Variants in LARP1B observed in about 807,000 individuals in gnomAD.
The protein encoded by LARP1B is la-related protein 1B.
LARP1B carries 76 observed loss-of-function variants against 114.2 expected under a neutral mutation model. The observed-to-expected ratio is 0.67, with a 90% CI of 0.55 to 0.81. The LOEUF is 0.81. Among genes scored for constraint, LARP1B ranks in the 30% least tolerant of loss-of-function variants. The probability of loss-of-function intolerance (pLI) is 0.00; values close to 1 mark genes in which losing one functional copy is unlikely to be tolerated. For missense variants in LARP1B, 1,014 were observed against 1,075.8 expected (o/e 0.94, Z 0.80); for synonymous variants, 345 against 348.0 (o/e 0.99, Z 0.10).
At chr4:128,136,504 T>C (rs1370780052) in intron 11 of LARP1B, among the ~76,000 whole-genome samples, 1 of 152,172 alleles carries the variant, frequency 6.6e-6, no homozygotes, top group Admixed American at 6.6e-5. Flanking sequence ...ATATTAAAGC[T>C]TCAAATATAT....
chr4:128,158,421 G>A lies in LARP1B; in HGVS notation c.1525-3773G>A, dbSNP rs569592256. 4.1e-4 allele frequency among the ~76,000 whole-genome samples: 63 copies of A among 152,186 alleles called. 1 individual carries two copies. Among genetic ancestry groups the A allele is most frequent in the African/African-American group, 1.4e-3 (57 of 41,510 alleles). ...GTGGGGAAGATTTATTGAACAGGAAGCACAATGAAGGAAATGATTGATAAA... is the reference window on the plus strand; with the variant it reads ...GTGGGGAAGATTTATTGAACAGGAAACACAATGAAGGAAATGATTGATAAA... On this transcript the variant is annotated intron_variant, in intron 11 of 19. Transcript: ENST00000326639.
intron 1 of LARP1B, chr4:128,069,451 C>G (rs1764337835): frequency 1.3e-6 from 1 of 758,904 alleles, no homozygotes; most frequent in African/African-American, 1.7e-5. Context: ...CTATATATAA[C>G]ATAAACTTGG....
intron 2 of LARP1B, 53 bp downstream of exon 2, chr4:128,074,571 G>A: frequency 2.4e-6 from 1 of 421,490 alleles, no homozygotes; most frequent in Non-Finnish European, 3.2e-6. Flanking sequence ...GAAAATTGAG[G>A]CTAAGAACTC....
At chr4:128,164,598 A>G (rs112812327) in intron 12 of LARP1B, among the ~76,000 whole-genome samples, 5 of 152,270 alleles carry the variant, frequency 3.3e-5, no homozygotes, top group African/African-American at 1.2e-4. Flanking sequence ...AAAAGAGGCT[A>G]TTTTTACTGA....
chr4:128,128,787 A>G (rs116552265), intron 11 of LARP1B, among the ~76,000 whole-genome samples: 2,028 of 152,290 alleles, frequency 0.013, 21 homozygotes, highest in Non-Finnish European at 0.02. Context: ...TACAATTTAC[A>G]TTGGCACCCA....
At chr4:128,065,199 G>GTAGTAATAGTA (rs761712807) in intron 1 of LARP1B, among the ~76,000 whole-genome samples, 13 of 151,934 alleles carry the variant, frequency 8.6e-5, no homozygotes, top group Non-Finnish European at 1.8e-4. Context: ...CTGGCATAGT[G>GTAGTAATAGTA]TAGTAACCAT....
chr4:128,133,847 C>T (rs1792351329), intron 11 of LARP1B, among the ~76,000 whole-genome samples: 1 of 152,066 alleles, frequency 6.6e-6, no homozygotes, highest in South Asian at 2.1e-4. Flanking sequence ...CAGGCCTGCA[C>T]CACCATGCCC....
intron 15 of LARP1B, among the ~76,000 whole-genome samples, chr4:128,189,433 G>A (rs747188284): frequency 5.7e-5 from 8 of 140,224 alleles, no homozygotes; most frequent in Non-Finnish European, 1.2e-4. Flanking sequence ...GTTTCTTGTA[G>A]GCAATATATA....
At chr4:128,130,129 G>C (rs1183177158) in intron 11 of LARP1B, among the ~76,000 whole-genome samples, 1 of 152,176 alleles carries the variant, frequency 6.6e-6, no homozygotes, top group African/African-American at 2.4e-5. Context: ...GAAGTGGGAG[G>C]ATTGCTTGAG....
chr4:128,066,795 CCA>C (rs1763091313), intron 1 of LARP1B, among the ~76,000 whole-genome samples: 1 of 116,420 alleles, frequency 8.6e-6, no homozygotes, highest in Non-Finnish European at 1.8e-5. Flanking sequence ...TATTTTCTTG[CCA>C]TTTTTTTTTT....
chr4:128,181,837 G>A (rs1261867867), intron 15 of LARP1B, among the ~76,000 whole-genome samples: 13 of 118,434 alleles, frequency 1.1e-4, no homozygotes, highest in African/African-American at 3.3e-4. Context: ...ACGAAGTCTC[G>A]CTCTGTCGCC....
At chr4:128,073,221 C>T (rs1766059601) in intron 1 of LARP1B, among the ~76,000 whole-genome samples, 1 of 151,700 alleles carries the variant, frequency 6.6e-6, no homozygotes, top group African/African-American at 2.4e-5. Flanking sequence ...TGAGACCAGC[C>T]TGGCTAAAAT....
At chr4:128,219,796 AAAAT>A (rs368581014) in intron 6 of LARP1B, among the ~76,000 whole-genome samples, 6,825 of 147,978 alleles carry the variant, frequency 0.046, 392 homozygotes, top group African/African-American at 0.15. Flanking sequence ...AAAGTATAAT[AAAAT>A]AAATAAATAA....
intron 3 of LARP1B, among the ~76,000 whole-genome samples, chr4:128,076,783 T>A (rs980233358): frequency 2.0e-5 from 3 of 152,138 alleles, no homozygotes; most frequent in Non-Finnish European, 4.4e-5. Context: ...TGGAGTACAG[T>A]GGCATGATCT....
Position 128,090,935 on chromosome 4 carries a change from A to T in LARP1B, c.359-66A>T, listed in dbSNP as rs1580187728. ...GGAAGAAGGTGGCTATTATGTTTTC[A>T]TAAAGACAATCATGTTATTTTACTT... is the stretch of plus-strand genomic sequence containing the variant. On this transcript the variant is annotated intron_variant, in intron 5 of 19. Coordinates refer to ENST00000326639, the MANE Select transcript of LARP1B (RefSeq NM_018078.4). 2.3e-6 allele frequency: 3 copies of T among 1,276,854 alleles called. No homozygotes were observed. The African/African-American group carries it at 4.5e-5, about 19-fold the overall frequency. The allele number at this position is 1,276,854 out of a possible 1,614,324, so 79.1% of individuals were successfully genotyped here.
At chr4:128,113,552 A>G (rs556449120) in intron 9 of LARP1B, among the ~76,000 whole-genome samples, 87 of 151,726 alleles carry the variant, frequency 5.7e-4, no homozygotes, top group Admixed American at 1.1e-3. Flanking sequence ...CATCTTGGCC[A>G]GGCTGGTCTT....
At chr4:128,144,664 A>G (rs1729541755) in intron 11 of LARP1B, among the ~76,000 whole-genome samples, 1 of 152,038 alleles carries the variant, frequency 6.6e-6, no homozygotes, top group African/African-American at 2.4e-5. Flanking sequence ...TTTATGTTCT[A>G]TAGATTGGAC....
At chr4:128,114,093 A>G (rs1015429226) in intron 9 of LARP1B, among the ~76,000 whole-genome samples, 3 of 152,222 alleles carry the variant, frequency 2.0e-5, no homozygotes, top group East Asian at 1.9e-4. Flanking sequence ...TTGCTGAGCC[A>G]AGGAAATGTG....
At chr4:128,090,592 C>A (rs1044214135) in intron 5 of LARP1B, among the ~76,000 whole-genome samples, 1 of 152,082 alleles carries the variant, frequency 6.6e-6, no homozygotes, top group African/African-American at 2.4e-5. Flanking sequence ...GTTTTCATTT[C>A]CTTTTTACTT....
Sources: gnomAD v4.1 joint callset for allele counts (sites outside exome capture counted in the v4.1 genomes callset) on GRCh38, gnomAD v4.1.1 for gene constraint, MANE v1.5 for transcripts, NCBI Gene and HGNC (gene_info 2026-07-23, HGNC 2026-07-21) for gene names.